Variants in FAM107B observed in about 807,000 individuals in gnomAD.
FAM107B encodes the protein family with sequence similarity 107 member B, also known as protein FAM107B.
Under a neutral mutation model 31.5 loss-of-function variants are expected in FAM107B, and 21 were observed. The ratio of observed to expected loss-of-function variants is 0.67; its 90% CI spans 0.47 to 0.96. The LOEUF is 0.96. Among genes scored for constraint, FAM107B ranks in the 40% least tolerant of loss-of-function variants. The pLI is 0.00. For synonymous variants in FAM107B, 157 were observed against 141.5 expected (o/e 1.11, Z -0.78); for missense variants, 452 against 377.1 (o/e 1.20, Z -1.64).
chr10:14,611,062 G>A (rs369755447), intron 2 of FAM107B, among the ~76,000 whole-genome samples: 1 of 152,068 alleles, frequency 6.6e-6, no homozygotes, highest in East Asian at 1.9e-4. Context: ...TCACATAAAC[G>A]ACTACTGAAT....
chr10:14,664,591 T>G (rs954551331), intron 2 of FAM107B, among the ~76,000 whole-genome samples: 2 of 152,210 alleles, frequency 1.3e-5, no homozygotes, highest in African/African-American at 4.8e-5. Flanking sequence ...CTAGAAGCAA[T>G]AGGCTACATC....
chr10:14,584,096 G>A (rs1851745820), intron 2 of FAM107B, among the ~76,000 whole-genome samples: 1 of 152,206 alleles, frequency 6.6e-6, no homozygotes, highest in South Asian at 2.1e-4. Context: ...AAGAAAGACT[G>A]ATGGAGGGAC....
chr10:14,646,078 T>C (rs1853744940), intron 2 of FAM107B, among the ~76,000 whole-genome samples: 1 of 152,206 alleles, frequency 6.6e-6, no homozygotes, highest in Admixed American at 6.5e-5. Flanking sequence ...GAAGAGGTGA[T>C]AGGTGATTAA....
intron 1 of FAM107B, among the ~76,000 whole-genome samples, chr10:14,716,213 C>T (rs1000716123): frequency 6.6e-6 from 1 of 152,168 alleles, no homozygotes; most frequent in Non-Finnish European, 1.5e-5. Flanking sequence ...CAACCATAAA[C>T]CTTCATTAGG....
chr10:14,639,604 A>G (rs967583960), intron 2 of FAM107B, among the ~76,000 whole-genome samples: 4 of 152,152 alleles, frequency 2.6e-5, no homozygotes, highest in Admixed American at 6.5e-5. Flanking sequence ...GTTCAATGCC[A>G]TTCCTTGACT....
At chr10:14,656,184 C>G (rs1011357319) in intron 2 of FAM107B, among the ~76,000 whole-genome samples, 1 of 152,162 alleles carries the variant, frequency 6.6e-6, no homozygotes, top group Non-Finnish European at 1.5e-5. Flanking sequence ...AATTCTGGAG[C>G]AGCAACTGAT....
In FAM107B at chr10:14,679,299, T is replaced by C. The variant is rs116753897; in HGVS notation, c.412-11608A>G. 9.6e-3 allele frequency among the ~76,000 whole-genome samples: 1,463 copies of C among 152,210 alleles called. 30 individuals are homozygous for C. Among genetic ancestry groups the C allele is most frequent in the African/African-American group, 0.032 (1,334 of 41,500 alleles). On this transcript the variant is annotated intron_variant, in intron 1 of 4. Coordinates refer to ENST00000181796, the MANE Select transcript of FAM107B (RefSeq NM_031453.4). ...CACACACCACCAAGCCTGGCTAATA[T>C]TTTTATTTTTTTGTAGAAACAGGGT... is the stretch of plus-strand genomic sequence containing the variant.
At chr10:14,773,887 T>C (rs1315267978) in intron 1 of FAM107B, among the ~76,000 whole-genome samples, 2 of 152,094 alleles carry the variant, frequency 1.3e-5, no homozygotes, top group African/African-American at 2.4e-5. Flanking sequence ...TATAAATAAA[T>C]TGACAGACCG....
intron 2 of FAM107B, among the ~76,000 whole-genome samples, chr10:14,647,121 C>A (rs1853777122): frequency 1.3e-5 from 2 of 152,046 alleles, no homozygotes; most frequent in South Asian, 4.1e-4. Flanking sequence ...AAATGGAGAA[C>A]TTCCTAAGAT....
At chr10:14,622,308 ATT>A (rs35444318) in intron 2 of FAM107B, among the ~76,000 whole-genome samples, 7 of 136,504 alleles carry the variant, frequency 5.1e-5, no homozygotes, top group African/African-American at 8.1e-5. Flanking sequence ...AGTATGAGAG[ATT>A]TTTTTTTTTT....
intron 1 of FAM107B, among the ~76,000 whole-genome samples, chr10:14,696,649 G>A (rs563601565): frequency 6.6e-6 from 1 of 152,228 alleles, no homozygotes; most frequent in African/African-American, 2.4e-5. Flanking sequence ...TCTTTGTTGG[G>A]AGGTTTCGAT....
chr10:14,694,942 T>C (rs1238486628), intron 1 of FAM107B, among the ~76,000 whole-genome samples: 2 of 152,218 alleles, frequency 1.3e-5, no homozygotes, highest in African/African-American at 4.8e-5. Context: ...TTTCCCAATG[T>C]ATAGGTTGCT....
At chr10:14,553,990 C>T in intron 2 of FAM107B, 1 of 500,286 alleles carries the variant, frequency 2.0e-6, no homozygotes, top group Non-Finnish European at 2.6e-6. Context: ...GCCCGTTTTT[C>T]CTTGTCTTCA....
intron 1 of FAM107B, among the ~76,000 whole-genome samples, chr10:14,670,325 G>A (rs1854510350): frequency 6.6e-6 from 1 of 152,194 alleles, no homozygotes; most frequent in South Asian, 2.1e-4. Flanking sequence ...TCAAATGTAT[G>A]TGTTGTAAGA....
chr10:14,577,520 T>C (rs1241600716), intron 2 of FAM107B, among the ~76,000 whole-genome samples: 1 of 152,282 alleles, frequency 6.6e-6, no homozygotes, highest in African/African-American at 2.4e-5. Flanking sequence ...TGTTCTAGTC[T>C]TAAAAATTGT....
chr10:14,628,862 A>G (rs901839387), intron 2 of FAM107B, among the ~76,000 whole-genome samples: 2 of 152,208 alleles, frequency 1.3e-5, no homozygotes, highest in African/African-American at 4.8e-5. Context: ...GCAAGACCCC[A>G]TCTCTATAAA....
chr10:14,660,393 A>G (rs1254239302), intron 2 of FAM107B, among the ~76,000 whole-genome samples: 1 of 152,250 alleles, frequency 6.6e-6, no homozygotes, highest in African/African-American at 2.4e-5. Flanking sequence ...AAAGAATGCA[A>G]CTTATTTTCA....
At chr10:14,532,989 C>G (rs529532754) in intron 2 of FAM107B, among the ~76,000 whole-genome samples, 58 of 152,118 alleles carry the variant, frequency 3.8e-4, no homozygotes, top group African/African-American at 1.4e-3. Flanking sequence ...TGGCAAAGCG[C>G]GAGGCTGGCT....
intron 2 of FAM107B, among the ~76,000 whole-genome samples, chr10:14,663,913 A>AAAAAT: frequency 6.9e-6 from 1 of 145,202 alleles, no homozygotes; most frequent in Non-Finnish European, 1.5e-5. Context: ...AAAAAAAAAA[A>AAAAAT]TGGGCTGAAC....
Sources: allele counts gnomAD v4.1 joint callset (sites outside exome capture counted in the v4.1 genomes callset), GRCh38; gene constraint gnomAD v4.1.1; transcripts MANE v1.5; gene names NCBI Gene and HGNC (gene_info 2026-07-23, HGNC 2026-07-21).